CSMD1: variants seen among roughly 807,000 people sequenced by gnomAD.
The protein encoded by CSMD1 is CUB and sushi domain-containing protein 1.
Under a neutral mutation model 417.5 loss-of-function variants are expected in CSMD1, and 213 were observed. That is an observed-to-expected ratio of 0.51 (90% CI 0.46 to 0.57). CSMD1 has a LOEUF of 0.57. Among genes scored for constraint, CSMD1 ranks in the 20% least tolerant of loss-of-function variants. CSMD1 has a pLI of 0.00. For synonymous variants in CSMD1, 2,862 were observed against 1,736.8 expected, an observed-to-expected ratio of 1.65 and a Z score of -16.11; for missense variants, 6,923 against 4,529.7, an observed-to-expected ratio of 1.53 and a Z score of -15.17.
At chr8:4,535,507 T>C (rs778712664) in intron 2 of CSMD1, among the ~76,000 whole-genome samples, 18 of 152,276 alleles carry the variant, frequency 1.2e-4, no homozygotes, top group East Asian at 1.9e-4. Flanking sequence ...ATTGCCATTA[T>C]CATTCTTTCG....
intron 1 of CSMD1, among the ~76,000 whole-genome samples, chr8:4,988,698 T>TA (rs1240319070): frequency 1.3e-5 from 2 of 152,216 alleles, no homozygotes; most frequent in African/African-American, 4.8e-5. Context: ...GCAACTTCCC[T>TA]AAAGCACTGA....
intron 4 of CSMD1, among the ~76,000 whole-genome samples, chr8:4,024,273 C>T (rs190682707): frequency 1.6e-4 from 24 of 152,094 alleles, no homozygotes; most frequent in Admixed American, 3.3e-4. Context: ...AAGTTCACAA[C>T]GGATAAAGCA....
rs187417283 is a variant in CSMD1 at position 4,637,860 on chromosome 8, C to T, written c.86-302G>A. Among the ~76,000 whole-genome samples, 356 of 150,240 alleles carry T rather than the reference C, an allele frequency of 2.4e-3. 7 individuals are homozygous for T. In the East Asian group the frequency reaches 0.046, roughly 19 times the overall value. ...TAATTTTTTGTATTTTTAGTAGAGA[C>T]GGGGTTTCACCTTGTTAGCCAGGAT... On this transcript the variant is annotated intron_variant, in intron 1 of 69. Coordinates refer to ENST00000635120, the MANE Select transcript of CSMD1 (RefSeq NM_033225.6).
chr8:3,791,511 G>A (rs1585004121), intron 5 of CSMD1, among the ~76,000 whole-genome samples: 2 of 152,268 alleles, frequency 1.3e-5, no homozygotes, highest in East Asian at 1.9e-4. Flanking sequence ...TCTACAACAA[G>A]GGTATGGACA....
At chr8:4,210,319 T>C (rs937602528) in intron 3 of CSMD1, among the ~76,000 whole-genome samples, 14 of 152,238 alleles carry the variant, frequency 9.2e-5, no homozygotes, top group Non-Finnish European at 1.6e-4. Flanking sequence ...ATGTCAAGTG[T>C]GGGATTGTGC....
intron 26 of CSMD1, among the ~76,000 whole-genome samples, chr8:3,265,689 G>C (rs1373803749): frequency 1.3e-5 from 2 of 152,206 alleles, no homozygotes; most frequent in Non-Finnish European, 2.9e-5. Flanking sequence ...TCTAATATAA[G>C]TGAGAATCTG....
At chr8:3,277,861 G>A (rs1019479771) in intron 26 of CSMD1, among the ~76,000 whole-genome samples, 2 of 152,136 alleles carry the variant, frequency 1.3e-5, no homozygotes, top group Admixed American at 6.5e-5. Context: ...AAACCACATG[G>A]AATTGCCAAC....
At chr8:4,447,061 C>T (rs1235013) in intron 2 of CSMD1, among the ~76,000 whole-genome samples, 5 of 151,904 alleles carry the variant, frequency 3.3e-5, no homozygotes, top group Admixed American at 6.6e-5. Flanking sequence ...GTCAGGTCTG[C>T]GAGCCTAGCC....
intron 3 of CSMD1, among the ~76,000 whole-genome samples, chr8:4,240,471 T>G (rs1285016273): frequency 6.6e-6 from 1 of 152,188 alleles, no homozygotes; most frequent in Non-Finnish European, 1.5e-5. Context: ...CAGATAACAA[T>G]CTAAAATAAG....
At chr8:3,698,658 G>A (rs1289641665) in intron 7 of CSMD1, among the ~76,000 whole-genome samples, 4 of 152,170 alleles carry the variant, frequency 2.6e-5, no homozygotes, top group Admixed American at 6.5e-5. Context: ...GGCATTTCTG[G>A]CAATCTAGTA....
At chr8:3,461,857 C>T (rs13267099) in intron 12 of CSMD1, among the ~76,000 whole-genome samples, 21,360 of 152,184 alleles carry the variant, frequency 0.14, 1,571 homozygotes, top group East Asian at 0.21. Context: ...GAGCAGAGAC[C>T]GAGGCCCTGT....
chr8:4,310,430 A>G (rs762229378), intron 3 of CSMD1, among the ~76,000 whole-genome samples: 15 of 152,202 alleles, frequency 9.9e-5, no homozygotes, highest in Non-Finnish European at 1.5e-4. Context: ...TTCAACAAAG[A>G]TAAATTGTGC....
chr8:4,655,656 T>C (rs1195314264), intron 1 of CSMD1, among the ~76,000 whole-genome samples: 1 of 152,056 alleles, frequency 6.6e-6, no homozygotes, highest in African/African-American at 2.4e-5. Context: ...CCTTAATCAT[T>C]TAGATGAAAA....
chr8:4,433,716 T>C lies in CSMD1; in HGVS notation c.303-13651A>G, dbSNP rs560781811. On this transcript the variant is annotated intron_variant, in intron 2 of 69. Transcript: ENST00000635120. The stretch of plus-strand genomic sequence containing the variant: ...GGCATGTGAATATATAAAATTCCCA[T>C]CTTTTGATTGAAAAATAACATTTAT... 2.0e-5 allele frequency among the ~76,000 whole-genome samples: 3 copies of C among 152,336 alleles called. No homozygotes were observed. In the South Asian group the frequency reaches 6.2e-4, roughly 32 times the overall value.
At chr8:3,468,239 T>C (rs1816891822) in intron 12 of CSMD1, among the ~76,000 whole-genome samples, 1 of 152,232 alleles carries the variant, frequency 6.6e-6, no homozygotes, top group African/African-American at 2.4e-5. Context: ...CAGTTTTCTA[T>C]AACTTGTAAA....
intron 3 of CSMD1, among the ~76,000 whole-genome samples, chr8:4,130,066 C>T (rs1359058285): frequency 1.3e-5 from 2 of 152,050 alleles, no homozygotes; most frequent in East Asian, 1.9e-4. Context: ...ATGATCGAAC[C>T]TCCTGAGTGT....
intron 49 of CSMD1, among the ~76,000 whole-genome samples, chr8:3,075,443 G>A (rs1430667224): frequency 6.6e-6 from 1 of 151,534 alleles, no homozygotes; most frequent in Non-Finnish European, 1.5e-5. Context: ...CACCATGCCT[G>A]GCTAATTTTG....
At chr8:3,979,698 C>T (rs11136690) in intron 5 of CSMD1, among the ~76,000 whole-genome samples, 35,772 of 152,080 alleles carry the variant, frequency 0.24, 4,318 homozygotes, top group East Asian at 0.39. Flanking sequence ...GGACGCAATG[C>T]GTACCCAGAA....
intron 43 of CSMD1, among the ~76,000 whole-genome samples, chr8:3,109,264 A>T (rs1162087461): frequency 6.6e-6 from 1 of 152,236 alleles, no homozygotes; most frequent in African/African-American, 2.4e-5. Flanking sequence ...ACTCTGTCTC[A>T]AAAAGAAATA....
Sources: allele counts gnomAD v4.1 joint callset (sites outside exome capture counted in the v4.1 genomes callset), GRCh38; gene constraint gnomAD v4.1.1; transcripts MANE v1.5; gene names NCBI Gene and HGNC (gene_info 2026-07-23, HGNC 2026-07-21).